Variants in SYNDIG1 observed in about 807,000 individuals in gnomAD.
SYNDIG1 encodes the protein synapse differentiation inducing 1.
In SYNDIG1, 9 loss-of-function variants were observed where a neutral mutation model predicts 19.4. The ratio of observed to expected loss-of-function variants is 0.46; its 90% CI spans 0.28 to 0.81. SYNDIG1 has a LOEUF of 0.81. SYNDIG1 is among the 30% of genes least tolerant of loss of function. The pLI is 0.12. For missense variants in SYNDIG1, 311 were observed against 343.3 expected (o/e 0.91, Z 0.74); for synonymous variants, 141 against 145.9 (o/e 0.97, Z 0.24).
intron 3 of SYNDIG1, among the ~76,000 whole-genome samples, chr20:24,594,323 T>G (rs1303517792): frequency 6.6e-6 from 1 of 152,202 alleles, no homozygotes; most frequent in Non-Finnish European, 1.5e-5. Context: ...TTTGTCGACT[T>G]TGTCGAAGAT....
intron 3 of SYNDIG1, among the ~76,000 whole-genome samples, chr20:24,606,493 C>A (rs2058758869): frequency 6.6e-6 from 1 of 152,154 alleles, no homozygotes; most frequent in African/African-American, 2.4e-5. Flanking sequence ...GCAGGAATTG[C>A]ACTTTAAGGT....
intron 3 of SYNDIG1, among the ~76,000 whole-genome samples, chr20:24,645,530 G>C (rs2059415018): frequency 6.6e-6 from 1 of 152,196 alleles, no homozygotes; most frequent in South Asian, 2.1e-4. Flanking sequence ...GAGGGAGAGA[G>C]GACAACGGAG....
intron 2 of SYNDIG1, among the ~76,000 whole-genome samples, chr20:24,581,469 C>T (rs2058321898): frequency 1.3e-5 from 2 of 152,044 alleles, no homozygotes; most frequent in Admixed American, 6.5e-5. Context: ...CCTGGCTCTG[C>T]TGCTTTCAGG....
chr20:24,578,398 G>A (rs1428756833), intron 2 of SYNDIG1, among the ~76,000 whole-genome samples: 5 of 149,742 alleles, frequency 3.3e-5, no homozygotes, highest in South Asian at 2.1e-4. Flanking sequence ...AGCCCCAATC[G>A]CGCCACTGCA....
At chr20:24,642,998 GA>G (rs1568711754) in intron 3 of SYNDIG1, among the ~76,000 whole-genome samples, 1 of 152,094 alleles carries the variant, frequency 6.6e-6, no homozygotes, top group African/African-American at 2.4e-5. Context: ...ACTTTTGCAC[GA>G]ATGTAATTAG....
chr20:24,535,454 G>C (rs551836485), intron 1 of SYNDIG1, among the ~76,000 whole-genome samples: 1 of 152,126 alleles, frequency 6.6e-6, no homozygotes, highest in Non-Finnish European at 1.5e-5. Flanking sequence ...CAAGATAGAC[G>C]GGCTTTTAAA....
At chr20:24,530,811 GTT>G (rs374193810) in intron 1 of SYNDIG1, among the ~76,000 whole-genome samples, 2 of 141,706 alleles carry the variant, frequency 1.4e-5, no homozygotes, top group Admixed American at 7.1e-5. Flanking sequence ...TGGGTTTTTT[GTT>G]TTTTTTTTTT....
At chr20:24,503,956 G>GTT (rs777270289) in intron 1 of SYNDIG1, among the ~76,000 whole-genome samples, 3,208 of 125,186 alleles carry the variant, frequency 0.026, 116 homozygotes, top group African/African-American at 0.052. Context: ...GGGAGAGCAG[G>GTT]TTTTTTTTTT....
At chr20:24,472,307 A>T (rs1040426855) in intron 1 of SYNDIG1, among the ~76,000 whole-genome samples, 2 of 152,246 alleles carry the variant, frequency 1.3e-5, no homozygotes, top group African/African-American at 4.8e-5. Context: ...AAGGGCGTGA[A>T]CACGATTCTG....
chr20:24,482,415 A>G (rs1471421053), intron 1 of SYNDIG1, among the ~76,000 whole-genome samples: 1 of 152,194 alleles, frequency 6.6e-6, no homozygotes, highest in African/African-American at 2.4e-5. Flanking sequence ...AAGTTAGGGA[A>G]GACACATCTT....
chr20:24,483,102 AT>A (rs1417199159), intron 1 of SYNDIG1, among the ~76,000 whole-genome samples: 2 of 152,250 alleles, frequency 1.3e-5, no homozygotes, highest in Non-Finnish European at 2.9e-5. Flanking sequence ...ACACGTTCAC[AT>A]TCATACCTGA....
At chr20:24,480,070 G>C (rs1252178321) in intron 1 of SYNDIG1, among the ~76,000 whole-genome samples, 12 of 152,178 alleles carry the variant, frequency 7.9e-5, no homozygotes, top group Admixed American at 7.9e-4. Flanking sequence ...GCTACCTCTT[G>C]CCTCTTGCTA....
At chr20:24,636,430 C>T (rs1456202680) in intron 3 of SYNDIG1, among the ~76,000 whole-genome samples, 2 of 152,168 alleles carry the variant, frequency 1.3e-5, no homozygotes, top group Non-Finnish European at 2.9e-5. Flanking sequence ...TAGTCCATGG[C>T]AAAGTACATG....
At chr20:24,562,643 T>G (rs926066151) in intron 2 of SYNDIG1, among the ~76,000 whole-genome samples, 4 of 152,260 alleles carry the variant, frequency 2.6e-5, no homozygotes, top group Admixed American at 1.3e-4. Context: ...TCTGAAACAA[T>G]GTGATAAGAA....
At chr20:24,627,209 A>G (rs1313600651) in intron 3 of SYNDIG1, among the ~76,000 whole-genome samples, 1 of 151,564 alleles carries the variant, frequency 6.6e-6, no homozygotes, top group Admixed American at 6.6e-5. Flanking sequence ...TGAAAGGAGA[A>G]TAAGAGAATG....
intron 2 of SYNDIG1, among the ~76,000 whole-genome samples, chr20:24,554,053 T>A (rs1245339058): frequency 6.6e-6 from 1 of 152,186 alleles, no homozygotes; most frequent in Non-Finnish European, 1.5e-5. Flanking sequence ...TCCTAAGTAT[T>A]TTATTCTCTT....
At chr20:24,631,475 A>ACTGTCAGC (rs1468191151) in intron 3 of SYNDIG1, among the ~76,000 whole-genome samples, 5 of 152,362 alleles carry the variant, frequency 3.3e-5, no homozygotes, top group African/African-American at 1.2e-4. Flanking sequence ...CACATCAGGA[A>ACTGTCAGC]CTGTCAGCCT....
intron 1 of SYNDIG1, among the ~76,000 whole-genome samples, chr20:24,483,414 G>T (rs187822402): frequency 2.1e-4 from 32 of 152,326 alleles, no homozygotes; most frequent in Non-Finnish European, 1.8e-4. Flanking sequence ...CAAAAGTTTA[G>T]AAATTGTTTT....
chr20:24,470,935 C>T (rs1186431255), intron 1 of SYNDIG1, among the ~76,000 whole-genome samples: 1 of 151,398 alleles, frequency 6.6e-6, no homozygotes. Context: ...GTGCAGCAGA[C>T]ACCGGCCGAA....
Sources: allele counts gnomAD v4.1 joint callset (sites outside exome capture counted in the v4.1 genomes callset), GRCh38; gene constraint gnomAD v4.1.1; transcripts MANE v1.5; gene names NCBI Gene and HGNC (gene_info 2026-07-23, HGNC 2026-07-21).